COL25A1: variants seen among roughly 807,000 people sequenced by gnomAD.
COL25A1 encodes the protein collagen alpha-1(XXV) chain.
A neutral mutation model predicts 128.4 loss-of-function variants in COL25A1; 103 were observed. That is an observed-to-expected ratio of 0.80 (90% CI 0.68 to 0.94). The LOEUF is 0.94. Among genes scored for constraint, COL25A1 ranks in the 40% least tolerant of loss-of-function variants. COL25A1 has a pLI of 0.00. For missense variants in COL25A1, 745 were observed against 840.0 expected (o/e 0.89, Z 1.40); for synonymous variants, 279 against 277.2 (o/e 1.01, Z -0.06).
intron 5 of COL25A1, among the ~76,000 whole-genome samples, chr4:109,044,286 A>T (rs932686606): frequency 6.6e-6 from 1 of 152,182 alleles, no homozygotes; most frequent in Non-Finnish European, 1.5e-5. Context: ...AGAAACACAT[A>T]GTTATATATC....
chr4:109,271,715 C>G (rs1422535243), intron 3 of COL25A1, among the ~76,000 whole-genome samples: 1 of 152,128 alleles, frequency 6.6e-6, no homozygotes, highest in Non-Finnish European at 1.5e-5. Context: ...CCCTGAACAC[C>G]ACAGTGATTT....
At chr4:108,996,928 T>C (rs146307508) in intron 6 of COL25A1, among the ~76,000 whole-genome samples, 52 of 152,200 alleles carry the variant, frequency 3.4e-4, no homozygotes, top group African/African-American at 1.3e-3. Context: ...TTGAAACCAA[T>C]GAGAACAAAG....
chr4:109,139,249 T>C lies in COL25A1; in HGVS notation c.368-89070A>G, dbSNP rs191551190. The stretch of plus-strand genomic sequence containing the variant: ...TTAGCCCTTTGTCAGATGGATAGAA[T>C]GCAAAAATTTTCTTCCATTCTGTTG... On this transcript the variant is annotated intron_variant, in intron 3 of 37. Transcript: ENST00000399132. 1.8e-3 allele frequency among the ~76,000 whole-genome samples: 281 copies of C among 152,326 alleles called. 5 individuals carry two copies. In the Middle Eastern group the frequency reaches 0.044, roughly 24 times the overall value.
At chr4:108,831,079 C>T (rs1733038034) in intron 32 of COL25A1, among the ~76,000 whole-genome samples, 1 of 151,814 alleles carries the variant, frequency 6.6e-6, no homozygotes, top group African/African-American at 2.4e-5. Context: ...ATTATTTTGG[C>T]CTCATTCTCT....
rs1760508410 is a variant in COL25A1, at chr4:109,047,226, C to G, written c.420+942G>C. 2.0e-5 allele frequency among the ~76,000 whole-genome samples: 3 copies of G among 152,018 alleles called. No homozygotes were observed. The South Asian group carries it at 6.2e-4, about 32-fold the overall frequency. ...CTGGCAAATGCAAATATTTCAGATA[C>G]AAGTTTAAACAGATGAAAAAAGAAG... On this transcript the variant is annotated intron_variant, in intron 5 of 37. Transcript: ENST00000399132.
At chr4:109,286,521 A>G (rs1723907880) in intron 3 of COL25A1, among the ~76,000 whole-genome samples, 1 of 152,142 alleles carries the variant, frequency 6.6e-6, no homozygotes, top group African/African-American at 2.4e-5. Flanking sequence ...GCTGCAGAGT[A>G]TATATTCTTG....
At chr4:108,962,642 C>T (rs1750856390) in intron 8 of COL25A1, among the ~76,000 whole-genome samples, 1 of 152,066 alleles carries the variant, frequency 6.6e-6, no homozygotes, top group Admixed American at 6.5e-5. Flanking sequence ...CAGATTCGTG[C>T]TAAATTCACA....
At chr4:108,835,522 A>C (rs961349822) in intron 31 of COL25A1, among the ~76,000 whole-genome samples, 2 of 152,094 alleles carry the variant, frequency 1.3e-5, no homozygotes, top group Non-Finnish European at 1.5e-5. Context: ...CTTCTGTATA[A>C]TCCATGAGCC....
chr4:108,900,668 C>A (rs1224880899), intron 14 of COL25A1, among the ~76,000 whole-genome samples: 1 of 152,074 alleles, frequency 6.6e-6, no homozygotes, highest in Non-Finnish European at 1.5e-5. Context: ...CTTTATTCTG[C>A]CTTCATCTGA....
chr4:109,065,535 C>CGT (rs1762353395), intron 3 of COL25A1, among the ~76,000 whole-genome samples: 4 of 128,544 alleles, frequency 3.1e-5, no homozygotes, highest in Non-Finnish European at 5.0e-5. Flanking sequence ...GTGCAGCACG[C>CGT]GCGCGCGCGC....
At chr4:109,181,304 G>A (rs971215258) in intron 3 of COL25A1, among the ~76,000 whole-genome samples, 36 of 151,960 alleles carry the variant, frequency 2.4e-4, no homozygotes, top group Non-Finnish European at 8.8e-5. Context: ...TTCAACTTCA[G>A]GGACTTCATG....
chr4:108,939,669 T>A (rs1330746762), intron 10 of COL25A1, among the ~76,000 whole-genome samples: 2 of 152,180 alleles, frequency 1.3e-5, no homozygotes, highest in African/African-American at 2.4e-5. Context: ...TATTATTATG[T>A]ACTACAAAAA....
chr4:108,952,982 A>G (rs1749641676), intron 8 of COL25A1, among the ~76,000 whole-genome samples: 1 of 152,048 alleles, frequency 6.6e-6, no homozygotes, highest in East Asian at 1.9e-4. Context: ...AGTTGACTCT[A>G]AAATTCCTTG....
chr4:109,163,462 T>C (rs1232714043), intron 3 of COL25A1, among the ~76,000 whole-genome samples: 1 of 152,132 alleles, frequency 6.6e-6, no homozygotes, highest in Non-Finnish European at 1.5e-5. Flanking sequence ...ATGAAGGAAC[T>C]GAGGACAAAA....
At chr4:108,882,197 G>T (rs1416298224) in intron 19 of COL25A1, among the ~76,000 whole-genome samples, 1 of 151,258 alleles carries the variant, frequency 6.6e-6, no homozygotes, top group African/African-American at 2.4e-5. Context: ...GGTCCAGTGG[G>T]ATATTTTTGT....
Position 108,889,714 on chromosome 4 carries a change from G to A in COL25A1, c.926C>T (p.Ala309Val). The A allele has an allele frequency of 1.2e-6, 2 of 1,613,566 alleles. No individual in the cohort carries two copies. The highest frequency in any genetic ancestry group is 1.7e-6 in the Non-Finnish European group (2 of 1,179,596). ...GGTTATAGTTACCTTAATTCCTGCA[G>A]CAGATGATCCAGGGTCACCCTAAAA... ...TGEKGDPGSS[A>V]AGIKGEPGES... The change falls in exon 17 of 38, where the codon GCT becomes GTT. Residue 309 changes from alanine (A) to valine (V), a missense_variant. Ala to Val is a moderately conservative substitution (Grantham distance 64). Around this residue, in one of 3 missense-constraint regions of COL25A1, gnomAD observed 387 missense variants for 441.9 expected, o/e 0.88. Transcript: ENST00000399132.
chr4:109,073,148 G>A (rs1403949595), intron 3 of COL25A1, among the ~76,000 whole-genome samples: 1 of 152,106 alleles, frequency 6.6e-6, no homozygotes, highest in African/African-American at 2.4e-5. Flanking sequence ...TGTGTGTGTG[G>A]GGGAGGGGCG....
In COL25A1 at chr4:109,178,757, C is replaced by G. The variant is rs1274496643; in HGVS notation, c.367+121826G>C. Among the ~76,000 whole-genome samples the G allele has an allele frequency of 5.4e-5, 8 of 149,278 alleles. No individual in the cohort carries two copies. The East Asian group carries it at 1.6e-3, about 29-fold the overall frequency. ...AGCTGAGGCAGGAGAATGGCGTGAACCCAGGAGGCAGACCTTGCAGTGAGC... is the reference window on the plus strand; with the variant it reads ...AGCTGAGGCAGGAGAATGGCGTGAAGCCAGGAGGCAGACCTTGCAGTGAGC... On this transcript the variant is annotated intron_variant, in intron 3 of 37. Coordinates refer to ENST00000399132, the MANE Select transcript of COL25A1 (RefSeq NM_198721.4).
intron 6 of COL25A1, among the ~76,000 whole-genome samples, chr4:108,983,094 C>T (rs1352931029): frequency 6.6e-6 from 1 of 152,198 alleles, no homozygotes; most frequent in East Asian, 1.9e-4. Context: ...ATTACCGCTC[C>T]TGCCAATCAA....
Sources: gnomAD v4.1 joint callset for allele counts (sites outside exome capture counted in the v4.1 genomes callset) on GRCh38, gnomAD v4.1.1 for gene constraint, gnomAD v4.1.1 regional missense constraint, MANE v1.5 for transcripts, NCBI Gene and HGNC (gene_info 2026-07-23, HGNC 2026-07-21) for gene names.